Variants in ANO3 observed in about 807,000 individuals in gnomAD.
ANO3 encodes the protein anoctamin-3.
A neutral mutation model predicts 144.8 loss-of-function variants in ANO3; 99 were observed. That is an observed-to-expected ratio of 0.68 (90% CI 0.58 to 0.81). The LOEUF (loss-of-function observed/expected upper bound fraction) is 0.81. ANO3 is among the 30% of genes least tolerant of loss of function. ANO3 has a pLI of 0.00. For synonymous variants in ANO3, 414 were observed against 392.6 expected, an observed-to-expected ratio of 1.05 and a Z score of -0.64; for missense variants, 905 against 1,202.2, an observed-to-expected ratio of 0.75 and a Z score of 3.66.
upstream of ANO3, among the ~76,000 whole-genome samples, chr11:26,328,633 G>C (rs113778128): frequency 7.2e-5 from 11 of 152,250 alleles, no homozygotes; most frequent in African/African-American, 2.4e-4. Context: ...ATGTTAGCAG[G>C]GGGGCTGCAA....
chr11:26,527,429 A>C (rs764911429), intron 7 of ANO3, among the ~76,000 whole-genome samples: 5 of 152,068 alleles, frequency 3.3e-5, no homozygotes, highest in Non-Finnish European at 5.9e-5. Flanking sequence ...AAATCTCTTT[A>C]TTCTATGTCT....
chr11:26,520,269 T>G (rs1862019660), intron 6 of ANO3, among the ~76,000 whole-genome samples: 2 of 152,116 alleles, frequency 1.3e-5, no homozygotes, highest in East Asian at 3.8e-4. Flanking sequence ...GAAGAGGATG[T>G]TTTCTTGACT....
At chr11:26,418,256 TA>T (rs1445184669) in intron 1 of ANO3, among the ~76,000 whole-genome samples, 21 of 152,174 alleles carry the variant, frequency 1.4e-4, no homozygotes, top group South Asian at 6.2e-4. Context: ...CTAGTCAGGG[TA>T]TGTTTGGGTT....
chr11:26,299,616 G>A (rs1447689913), intron 1 of ANO3, among the ~76,000 whole-genome samples: 1 of 152,076 alleles, frequency 6.6e-6, no homozygotes, highest in Non-Finnish European at 1.5e-5. Context: ...CTAGAGTGGG[G>A]AGGCGGAGAC....
At chr11:26,417,428 C>T (rs555377546) in intron 1 of ANO3, among the ~76,000 whole-genome samples, 2 of 152,042 alleles carry the variant, frequency 1.3e-5, no homozygotes, top group Non-Finnish European at 2.9e-5. Flanking sequence ...AAAAGTGACA[C>T]AGGCAAGCTC....
chr11:26,236,538 G>T (rs1564928750), intron 1 of ANO3, among the ~76,000 whole-genome samples: 2 of 152,082 alleles, frequency 1.3e-5, no homozygotes, highest in Non-Finnish European at 2.9e-5. Context: ...CTAAAAATCG[G>T]CCGGGGGCCG....
intron 1 of ANO3, among the ~76,000 whole-genome samples, chr11:26,423,908 TGTAA>T (rs979485885): frequency 6.6e-6 from 1 of 152,050 alleles, no homozygotes; most frequent in African/African-American, 2.4e-5. Context: ...GATTTGTGAC[TGTAA>T]GTAAGTAAAT....
intron 8 of ANO3, among the ~76,000 whole-genome samples, chr11:26,532,373 A>G (rs78517925): frequency 0.045 from 6,807 of 152,148 alleles, 343 homozygotes; most frequent in African/African-American, 0.12. Flanking sequence ...ACCTTTAAGG[A>G]TCTGTGATAC....
intron 23 of ANO3, among the ~76,000 whole-genome samples, chr11:26,647,031 C>T (rs1183487367): frequency 6.6e-6 from 1 of 152,144 alleles, no homozygotes; most frequent in Non-Finnish European, 1.5e-5. Context: ...ACCTTTAGTG[C>T]TGTAGAGCAT....
intron 4 of ANO3, among the ~76,000 whole-genome samples, chr11:26,477,527 C>T (rs781739181): frequency 7.2e-5 from 11 of 152,088 alleles, no homozygotes; most frequent in Non-Finnish European, 1.6e-4. Context: ...CTTGCACCTC[C>T]GCCCCCTCAT....
At chr11:26,465,523 G>T (rs1319634524) in intron 4 of ANO3, among the ~76,000 whole-genome samples, 1 of 151,622 alleles carries the variant, frequency 6.6e-6, no homozygotes, top group Non-Finnish European at 1.5e-5. Context: ...TTGAAGGGGG[G>T]AAAGTAACTC....
chr11:26,413,862 C>G (rs1857497146), intron 1 of ANO3, among the ~76,000 whole-genome samples: 1 of 151,976 alleles, frequency 6.6e-6, no homozygotes, highest in Admixed American at 6.6e-5. Context: ...CAGCTTTACA[C>G]TGGCAGACAT....
At chr11:26,487,628 A>T (rs112679597) in intron 4 of ANO3, among the ~76,000 whole-genome samples, 3 of 152,234 alleles carry the variant, frequency 2.0e-5, no homozygotes, top group African/African-American at 7.2e-5. Flanking sequence ...GCTTTGAAAA[A>T]AATGCCGATA....
chr11:26,614,181 G>A (rs1238233497), intron 17 of ANO3, among the ~76,000 whole-genome samples: 1 of 152,186 alleles, frequency 6.6e-6, no homozygotes, highest in African/African-American at 2.4e-5. Flanking sequence ...GTTTCTGGGG[G>A]TGGATTCAAC....
At chr11:26,448,611 C>A (rs990157108) in intron 3 of ANO3, among the ~76,000 whole-genome samples, 2 of 152,020 alleles carry the variant, frequency 1.3e-5, no homozygotes, top group Non-Finnish European at 2.9e-5. Context: ...CCACTAATTC[C>A]CATTATTTTT....
intron 3 of ANO3, among the ~76,000 whole-genome samples, chr11:26,452,819 C>A (rs186525157): frequency 2.8e-4 from 43 of 152,216 alleles, no homozygotes; most frequent in African/African-American, 1.0e-3. Context: ...ATGTTAAGGG[C>A]AGTCAGAGAG....
chr11:26,540,347 A>G (rs768648983), intron 10 of ANO3, among the ~76,000 whole-genome samples: 4 of 152,304 alleles, frequency 2.6e-5, no homozygotes, highest in Non-Finnish European at 5.9e-5. Flanking sequence ...GACTATCTCA[A>G]TAGATGCAGA....
At chr11:26,553,220 T>TTTG (rs1565099220) in intron 12 of ANO3, 29 bp from the exon 13 acceptor site, 1 of 1,170,818 alleles carries the variant, frequency 8.5e-7, no homozygotes, top group African/African-American at 2.4e-5. Context: ...CTATGTTTTG[T>TTTG]TTTGTTTTTG....
chr11:26,325,729 C>T (rs1295542502), intron 1 of ANO3, among the ~76,000 whole-genome samples: 2 of 152,138 alleles, frequency 1.3e-5, no homozygotes, highest in Non-Finnish European at 2.9e-5. Flanking sequence ...TGAGGATTTC[C>T]TTTACTATTT....
Sources: allele counts gnomAD v4.1 joint callset (sites outside exome capture counted in the v4.1 genomes callset), GRCh38; gene constraint gnomAD v4.1.1; transcripts MANE v1.5; gene names NCBI Gene and HGNC (gene_info 2026-07-23, HGNC 2026-07-21).